The following SLC4A7 variants were observed in gnomAD, a reference collection of about 807,000 sequenced individuals.
SLC4A7 encodes solute carrier family 4 member 7.
In SLC4A7, 51 loss-of-function variants were observed where a neutral mutation model predicts 137.6. The observed-to-expected ratio is 0.37, with a 90% CI of 0.30 to 0.47. The LOEUF (loss-of-function observed/expected upper bound fraction) is 0.47. Among genes scored for constraint, SLC4A7 ranks in the 20% least tolerant of loss-of-function variants. The pLI is 1.00. For missense variants in SLC4A7, 1,247 were observed against 1,525.4 expected (o/e 0.82, Z 3.04); for synonymous variants, 542 against 518.6 (o/e 1.05, Z -0.61).
At chr3:27,464,416 C>T (rs2058861876) in intron 1 of SLC4A7, among the ~76,000 whole-genome samples, 1 of 152,026 alleles carries the variant, frequency 6.6e-6, no homozygotes, top group Admixed American at 6.5e-5. Context: ...TTCTTCAAAA[C>T]CACAATCAAG....
intron 1 of SLC4A7, among the ~76,000 whole-genome samples, chr3:27,466,021 T>A (rs183767057): frequency 9.6e-4 from 145 of 151,324 alleles, no homozygotes; most frequent in Non-Finnish European, 1.9e-3. Context: ...AGAAAGCATA[T>A]GTAGTATCCA....
At chr3:27,429,190 C>T (rs796387942) in intron 7 of SLC4A7, among the ~76,000 whole-genome samples, 43 of 151,546 alleles carry the variant, frequency 2.8e-4, no homozygotes, top group Admixed American at 7.9e-4. Flanking sequence ...CACTTGAACC[C>T]GGGAGGCGGA....
chr3:27,483,730 G>A (rs1057397064), intron 1 of SLC4A7, among the ~76,000 whole-genome samples: 4 of 151,872 alleles, frequency 2.6e-5, no homozygotes, highest in Admixed American at 6.6e-5. Flanking sequence ...TAAGAAACAG[G>A]GGAGGCGAGC....
rs547663659 is a variant in SLC4A7, at chr3:27,452,316, A to G, written c.142+101T>C. 4.0e-5 allele frequency: 30 copies of G among 759,324 alleles called. 1 individual carries two copies. In the South Asian group the frequency reaches 5.3e-4, roughly 13 times the overall value. 47.0% of individuals were successfully genotyped at this position (759,324 alleles called of 1,614,324 possible). On this transcript the variant is annotated intron_variant, in intron 2 of 25. Coordinates refer to ENST00000454389, the MANE Select transcript of SLC4A7 (RefSeq NM_001321103.2). Reference sequence around the variant, plus strand: ...ACGCTTTACCTTACAACAATAACAAAAAAACTCAACAAATACTAGGTAAAA... The same window carrying G: ...ACGCTTTACCTTACAACAATAACAAGAAAACTCAACAAATACTAGGTAAAA...
intron 7 of SLC4A7, chr3:27,428,414 C>G (rs1487579808): frequency 6.5e-6 from 1 of 154,278 alleles, no homozygotes; most frequent in Non-Finnish European, 1.5e-5. Flanking sequence ...CTGGAACAAA[C>G]TATAAAACAA....
At chr3:27,395,242 C>A (rs1219138050) in intron 18 of SLC4A7, 127 bp from the exon 19 acceptor site, 1 of 590,232 alleles carries the variant, frequency 1.7e-6, no homozygotes, top group Middle Eastern at 4.6e-4. Flanking sequence ...TCTTGAACTA[C>A]ATGGTGAATT....
chr3:27,443,032 C>CTTT (rs1175482585), intron 3 of SLC4A7, among the ~76,000 whole-genome samples: 55 of 105,380 alleles, frequency 5.2e-4, no homozygotes, highest in Non-Finnish European at 8.2e-4. Flanking sequence ...TTCTTTTTTT[C>CTTT]TTTTTTTTTT....
At chr3:27,461,169 A>T (rs1350917479) in intron 1 of SLC4A7, among the ~76,000 whole-genome samples, 1 of 151,674 alleles carries the variant, frequency 6.6e-6, no homozygotes, top group East Asian at 1.9e-4. Context: ...TTTGCAGATG[A>T]TGTGACAGTG....
intron 3 of SLC4A7, among the ~76,000 whole-genome samples, chr3:27,442,617 C>T (rs1300992802): frequency 6.6e-6 from 1 of 151,964 alleles, no homozygotes; most frequent in Non-Finnish European, 1.5e-5. Flanking sequence ...CACTATGTTG[C>T]CCAGGCTGTT....
chr3:27,400,563 C>T (rs1240660231), intron 16 of SLC4A7, among the ~76,000 whole-genome samples: 1 of 152,120 alleles, frequency 6.6e-6, no homozygotes, highest in Non-Finnish European at 1.5e-5. Context: ...ATCTCTCGTG[C>T]CAGTTTCATT....
intron 7 of SLC4A7, among the ~76,000 whole-genome samples, chr3:27,424,898 T>C (rs2055392583): frequency 6.6e-6 from 1 of 152,170 alleles, no homozygotes; most frequent in Admixed American, 6.5e-5. Flanking sequence ...ATAGCTTATT[T>C]GGATTAGAAA....
chr3:27,431,730 T>G, intron 6 of SLC4A7, 61 bp from the exon 7 acceptor site: 1 of 1,456,104 alleles, frequency 6.9e-7, no homozygotes, highest in Non-Finnish European at 9.1e-7. Flanking sequence ...AATAGAGACA[T>G]TTAAAAAAAA....
intron 7 of SLC4A7, among the ~76,000 whole-genome samples, chr3:27,429,535 T>C (rs1231023509): frequency 1.3e-5 from 2 of 152,122 alleles, no homozygotes; most frequent in Admixed American, 1.3e-4. Flanking sequence ...AAAAGAACAC[T>C]TGATCCTATC....
At chr3:27,450,914 C>A (rs2058032735) in intron 2 of SLC4A7, among the ~76,000 whole-genome samples, 1 of 151,950 alleles carries the variant, frequency 6.6e-6, no homozygotes, top group Non-Finnish European at 1.5e-5. Context: ...AGCTTAGGGC[C>A]TGTGATAACC....
In SLC4A7 at chr3:27,391,795, G is replaced by T; in HGVS notation, c.3131C>A (p.Pro1044His). The change falls in exon 21 of 26, where the codon CCT (proline) becomes CAT (histidine). Residue 1044 changes from proline (P) to histidine (H), a missense_variant. By Grantham distance (77) the Pro-to-His change is moderately conservative. Around this residue, in one of 6 missense-constraint regions of SLC4A7, gnomAD observed 290 missense variants for 323.8 expected, o/e 0.90. Transcript: ENST00000454389. ...ATAAAGGAAAACACCATACAGAACA[G>T]GCATTGGAATAAACTGTAAATAAAA... ...MTSVLKFIPM[P>H]VLYGVFLYMG... 1 of 1,591,020 alleles carries T rather than the reference G, an allele frequency of 6.3e-7. No individual in the cohort carries two copies. Among genetic ancestry groups the T allele is most frequent in the Non-Finnish European group, 8.6e-7 (1 of 1,163,958 alleles).
Position 27,448,712 on chromosome 3 carries a change from GTGA to G in SLC4A7, c.225_227del (p.His77del). On this transcript the variant is annotated inframe_deletion, in exon 3 of 26. Transcript: ENST00000454389. ...ATTCTTTATCTTTTCTTCTCCGGTG[GTGA>G]TGTTTGTGTCCGCGATGCCTATGAC... The G allele has an allele frequency of 6.2e-7, 1 of 1,612,810 alleles. No homozygotes were observed. Among genetic ancestry groups the G allele is most frequent in the Non-Finnish European group, 8.5e-7 (1 of 1,179,070 alleles).
intron 5 of SLC4A7, 27 bp downstream of exon 5, chr3:27,436,361 A>AT (rs772268047): frequency 1.3e-5 from 20 of 1,576,770 alleles, no homozygotes; most frequent in East Asian, 9.0e-5. Flanking sequence ...CACCTTACAT[A>AT]TTTTTTAAAA....
intron 21 of SLC4A7, 122 bp from the exon 22 acceptor site, chr3:27,390,226 T>A: frequency 1.7e-6 from 1 of 593,920 alleles, no homozygotes; most frequent in East Asian, 3.1e-5. Flanking sequence ...CATTTTCTGA[T>A]AGTACAGGAG....
chr3:27,421,913 G>A, intron 8 of SLC4A7, 134 bp from the exon 9 acceptor site: 4 of 661,054 alleles, frequency 6.1e-6, no homozygotes, highest in Non-Finnish European at 1.0e-5. Flanking sequence ...TGTTTAAAAT[G>A]TCAAAATTTT....
Sources: gnomAD v4.1 joint callset for allele counts (sites outside exome capture counted in the v4.1 genomes callset) on GRCh38, gnomAD v4.1.1 for gene constraint, gnomAD v4.1.1 regional missense constraint, MANE v1.5 for transcripts, NCBI Gene and HGNC (gene_info 2026-07-23, HGNC 2026-07-21) for gene names.